The following FABP6 variants were observed in gnomAD, a reference collection of about 807,000 sequenced individuals.
The protein encoded by FABP6 is fatty acid binding protein 6.
FABP6 carries 13 observed loss-of-function variants against 14.9 expected under a neutral mutation model. That is an observed-to-expected ratio of 0.87 (90% CI 0.57 to 1.39). The LOEUF (loss-of-function observed/expected upper bound fraction) is 1.39. Ranked by LOEUF, FABP6 falls within the 40% of genes most tolerant of loss-of-function variation. The probability of loss-of-function intolerance (pLI) is 0.00; values close to 1 mark genes in which losing one functional copy is unlikely to be tolerated. For missense variants in FABP6, 161 were observed against 167.2 expected, an observed-to-expected ratio of 0.96 and a Z score of 0.20; for synonymous variants, 75 against 63.6, an observed-to-expected ratio of 1.18 and a Z score of -0.85.
In FABP6 at chr5:160,222,962, A is replaced by G. The variant is rs78923409; in HGVS notation, c.136-6584A>G. Among the ~76,000 whole-genome samples, 1,178 of 152,156 alleles carry G rather than the reference A, an allele frequency of 7.7e-3. 10 individuals carry two copies. The highest frequency in any genetic ancestry group is 0.021 in the South Asian group (100 of 4,830). ...CTTCACTTGACTGTAGTTCATAGATACCGTATTTTATTTTTATTTTTTAGG... is the reference window on the plus strand; with the variant it reads ...CTTCACTTGACTGTAGTTCATAGATGCCGTATTTTATTTTTATTTTTTAGG... On this transcript the variant is annotated intron_variant, in intron 3 of 6. Coordinates refer to the FABP6 transcript ENST00000393980.
intron 3 of FABP6, among the ~76,000 whole-genome samples, chr5:160,224,499 T>C (rs956824397): frequency 4.6e-5 from 7 of 152,166 alleles, no homozygotes; most frequent in African/African-American, 1.7e-4. Flanking sequence ...GAGTAGCACA[T>C]CTTTCAGTTT....
chr5:160,205,118 G>A (rs1029106603), intron 2 of FABP6, among the ~76,000 whole-genome samples: 3 of 152,026 alleles, frequency 2.0e-5, no homozygotes, highest in African/African-American at 7.2e-5. Context: ...CCAGTATTGT[G>A]GTTTTGGCAG....
chr5:160,198,828 C>T, intron 1 of FABP6: 2 of 477,170 alleles, frequency 4.2e-6, no homozygotes, highest in Non-Finnish European at 7.5e-6. Flanking sequence ...ACGACCTCTT[C>T]AAATACTGGC....
intron 3 of FABP6, among the ~76,000 whole-genome samples, chr5:160,220,507 G>A (rs1286162055): frequency 1.3e-5 from 2 of 152,102 alleles, no homozygotes; most frequent in Non-Finnish European, 1.5e-5. Context: ...CACTTGGGAG[G>A]CTGAGGCAGG....
chr5:160,192,499 G>C (rs963278058), intron 1 of FABP6, among the ~76,000 whole-genome samples: 2 of 152,272 alleles, frequency 1.3e-5, no homozygotes, highest in African/African-American at 4.8e-5. Context: ...CTGGCACATA[G>C]TAAGTGCTCA....
At chr5:160,219,169 A>C (rs183077977) in intron 3 of FABP6, among the ~76,000 whole-genome samples, 1 of 152,286 alleles carries the variant, frequency 6.6e-6, no homozygotes, top group South Asian at 2.1e-4. Context: ...CACTTACTCT[A>C]TGCAAGACCT....
upstream of FABP6, among the ~76,000 whole-genome samples, chr5:160,225,839 G>A (rs992327574): frequency 2.0e-5 from 3 of 152,156 alleles, no homozygotes; most frequent in African/African-American, 7.2e-5. Context: ...AAACAATAAT[G>A]AGGGAGAAGG....
At chr5:160,188,154 C>T (rs1017714517) in intron 1 of FABP6, among the ~76,000 whole-genome samples, 2 of 152,036 alleles carry the variant, frequency 1.3e-5, no homozygotes, top group African/African-American at 4.8e-5. Context: ...AGGCAGGGGC[C>T]GGGCTAGGAT....
In FABP6 at chr5:160,219,741, G is replaced by A. The variant is rs73817344; in HGVS notation, c.135+5922G>A. Among the ~76,000 whole-genome samples the A allele has an allele frequency of 1.3e-3, 204 of 152,250 alleles. 1 individual carries two copies. Among genetic ancestry groups the A allele is most frequent in the African/African-American group, 4.7e-3 (197 of 41,526 alleles). On this transcript the variant is annotated intron_variant, in intron 3 of 6. Coordinates refer to the FABP6 transcript ENST00000393980. ...AAATCAATGGGAAAGGGAGTTAAGC[G>A]GGGGCCTGGAGAAGCCACTTGGTCC...
At chr5:160,232,372 C>T (rs1177977603) in intron 2 of FABP6, 99 bp downstream of exon 2, 5 of 1,289,426 alleles carry the variant, frequency 3.9e-6, no homozygotes, top group Non-Finnish European at 5.2e-6. Context: ...GCTTCTTTCT[C>T]CAGTTTGGCC....
In FABP6 at chr5:160,229,570, G is replaced by A. The variant is rs200413774; in HGVS notation, c.13G>A (p.Gly5Ser). Residue 5 changes from glycine (G) to serine (S), a missense_variant, in exon 1 of 4, where the codon GGC becomes AGC. Transcript: ENST00000402432. The stretch of plus-strand genomic sequence containing the variant: ...GCCTCCCAGCAGCATGGCTTTCACC[G>A]GCAAGTTCGAGATGGAGAGTGAGAA... MAFT[G>S]KFEMESEKNY... 1.6e-4 allele frequency: 265 copies of A among 1,613,910 alleles called. 1 individual carries two copies. In the South Asian group the frequency reaches 2.0e-3, roughly 12 times the overall value.
chr5:160,202,910 T>TC (rs1180703169), intron 2 of FABP6, among the ~76,000 whole-genome samples: 1 of 151,022 alleles, frequency 6.6e-6, no homozygotes, highest in Non-Finnish European at 1.5e-5. Context: ...AAGCTGGGCT[T>TC]TTTTTTTTGA....
At chr5:160,228,906 C>T (rs1224491659), upstream of FABP6, among the ~76,000 whole-genome samples, 1 of 152,196 alleles carries the variant, frequency 6.6e-6, no homozygotes, top group East Asian at 1.9e-4. Flanking sequence ...CTTCTCTACA[C>T]ATCCAAGTCC....
chr5:160,198,993 C>CA (rs1759571736), intron 1 of FABP6: 2 of 1,044,984 alleles, frequency 1.9e-6, no homozygotes, highest in South Asian at 2.6e-5. Flanking sequence ...AATGAATGAA[C>CA]AATGAGATGG....
chr5:160,216,341 C>T (rs6887516), intron 3 of FABP6, among the ~76,000 whole-genome samples: 92,911 of 151,318 alleles, frequency 0.61, 28,724 homozygotes, highest in African/African-American at 0.65. Context: ...AATCTCAGCT[C>T]ACTGCAACCT....
Position 160,233,051 on chromosome 5 carries a change from G to A in FABP6, c.243+778G>A, listed in dbSNP as rs559521535. 2.8e-4 allele frequency among the ~76,000 whole-genome samples: 41 copies of A among 148,462 alleles called. No individual in the cohort carries two copies. The South Asian group carries it at 4.6e-3, about 17-fold the overall frequency. On this transcript the variant is annotated intron_variant, in intron 2 of 3. Transcript: ENST00000402432. ...GGCTGGAGTGCAGTGTCATGATCTC[G>A]GCTCACTGCAACCTCTGCCTCCTGG...
chr5:160,237,262 C>G (rs73817348), intron 3 of FABP6, among the ~76,000 whole-genome samples: 1,607 of 152,200 alleles, frequency 0.011, 26 homozygotes, highest in African/African-American at 0.037. Context: ...GCTGAGCGAA[C>G]CTGCTTGTCA....
rs753763188 is a variant in FABP6 at position 160,229,569 on chromosome 5, C to A, written c.12C>A (p.Thr4=). The A allele has an allele frequency of 6.2e-7, 1 of 1,613,832 alleles. No homozygotes were observed. The highest frequency in any genetic ancestry group is 8.5e-7 in the Non-Finnish European group (1 of 1,179,924). The change falls in exon 1 of 4, where the codon ACC becomes ACA. Residue 4 remains threonine, a synonymous_variant. Transcript: ENST00000402432. The stretch of plus-strand genomic sequence containing the variant: ...AGCCTCCCAGCAGCATGGCTTTCAC[C>A]GGCAAGTTCGAGATGGAGAGTGAGA... MAF[T]GKFEMESEKN...
At chr5:160,234,540 C>T (rs1760465251) in intron 2 of FABP6, among the ~76,000 whole-genome samples, 1 of 151,838 alleles carries the variant, frequency 6.6e-6, no homozygotes, top group Non-Finnish European at 1.5e-5. Flanking sequence ...GATTCTCACG[C>T]CTCAGCCTCC....
Sources: gnomAD v4.1 joint callset for allele counts (sites outside exome capture counted in the v4.1 genomes callset) on GRCh38, gnomAD v4.1.1 for gene constraint, MANE v1.5 for transcripts, NCBI Gene and HGNC (gene_info 2026-07-23, HGNC 2026-07-21) for gene names.